The following MAPKAP1 variants were observed in gnomAD, a reference collection of about 807,000 sequenced individuals.
MAPKAP1 encodes target of rapamycin complex 2 subunit MAPKAP1.
Under a neutral mutation model 65.7 loss-of-function variants are expected in MAPKAP1, and 20 were observed. The observed-to-expected ratio is 0.30, with a 90% CI of 0.21 to 0.44. The LOEUF is 0.44. MAPKAP1 is among the 20% of genes least tolerant of loss of function. The pLI is 1.00. For missense variants in MAPKAP1, 423 were observed against 648.0 expected (o/e 0.65, Z 3.77); for synonymous variants, 222 against 244.3 (o/e 0.91, Z 0.85).
intron 4 of MAPKAP1, among the ~76,000 whole-genome samples, chr9:125,588,107 C>T (rs1458433890): frequency 2.6e-5 from 4 of 152,128 alleles, no homozygotes; most frequent in African/African-American, 9.7e-5. Context: ...CACATTGAAA[C>T]TTGGACAAAT....
chr9:125,507,292 G>C (rs541131684), intron 7 of MAPKAP1, among the ~76,000 whole-genome samples: 3 of 152,170 alleles, frequency 2.0e-5, no homozygotes, highest in Admixed American at 6.5e-5. Flanking sequence ...TCAAAAGACT[G>C]CTCCTGTGAT....
At chr9:125,533,110 C>A (rs1394938518) in intron 7 of MAPKAP1, among the ~76,000 whole-genome samples, 2 of 152,046 alleles carry the variant, frequency 1.3e-5, no homozygotes, top group East Asian at 1.9e-4. Context: ...CGCATACACG[C>A]CTGCTTTGGC....
chr9:125,659,642 TTC>T (rs1834128723), intron 3 of MAPKAP1, among the ~76,000 whole-genome samples: 2 of 151,854 alleles, frequency 1.3e-5, no homozygotes, highest in African/African-American at 4.8e-5. Context: ...AGCAATTCTC[TTC>T]TCTCTCTTCC....
rs146232774 is a variant in MAPKAP1, at chr9:125,665,410, A to G, written c.349+4408T>C. Among the ~76,000 whole-genome samples, 582 of 152,304 alleles carry G rather than the reference A, an allele frequency of 3.8e-3. 1 individual carries two copies. The highest frequency in any genetic ancestry group is 0.013 in the African/African-American group (559 of 41,554). On this transcript the variant is annotated intron_variant, in intron 3 of 11. Coordinates refer to ENST00000265960, the MANE Select transcript of MAPKAP1 (RefSeq NM_001006617.3). ...TCAGAATCACCCAGGGACCTTTTGA[A>G]AACCATAACTTACCCTTAAGAAAGT...
intron 5 of MAPKAP1, among the ~76,000 whole-genome samples, chr9:125,582,396 T>G (rs1422260513): frequency 6.6e-6 from 1 of 152,222 alleles, no homozygotes; most frequent in Non-Finnish European, 1.5e-5. Context: ...GTACTAGCTA[T>G]CCTCGTGTGC....
At chr9:125,563,964 G>A (rs1044366482) in intron 5 of MAPKAP1, among the ~76,000 whole-genome samples, 5 of 152,244 alleles carry the variant, frequency 3.3e-5, no homozygotes, top group Admixed American at 3.3e-4. Flanking sequence ...ACCCGCCTTG[G>A]CCTCCCAAAG....
At chr9:125,551,007 G>A (rs915639335) in intron 6 of MAPKAP1, among the ~76,000 whole-genome samples, 2 of 152,096 alleles carry the variant, frequency 1.3e-5, no homozygotes, top group Non-Finnish European at 2.9e-5. Flanking sequence ...ACCTGTCTCT[G>A]AGCCTCAGCT....
intron 1 of MAPKAP1, among the ~76,000 whole-genome samples, chr9:125,695,119 T>G (rs1413252037): frequency 6.6e-6 from 1 of 152,264 alleles, no homozygotes; most frequent in African/African-American, 2.4e-5. Context: ...TTTGGGGATG[T>G]GTCCGTATTT....
chr9:125,612,012 A>G (rs1435152440), intron 4 of MAPKAP1, among the ~76,000 whole-genome samples: 1 of 152,218 alleles, frequency 6.6e-6, no homozygotes, highest in Admixed American at 6.5e-5. Context: ...TTTACACTAT[A>G]CTTATTGGTT....
intron 10 of MAPKAP1, 40 bp downstream of exon 10, chr9:125,467,932 G>T (rs1210186292): frequency 2.5e-6 from 4 of 1,605,866 alleles, no homozygotes; most frequent in African/African-American, 1.3e-5. Flanking sequence ...GAAGAGAGGG[G>T]AAAGAGAGAA....
chr9:125,545,078 G>C (rs143621846), intron 6 of MAPKAP1, among the ~76,000 whole-genome samples: 1 of 152,154 alleles, frequency 6.6e-6, no homozygotes, highest in Admixed American at 6.5e-5. Flanking sequence ...TCTTGCTATT[G>C]AACAGCAGGC....
At chr9:125,511,090 C>G (rs1199732343) in intron 7 of MAPKAP1, among the ~76,000 whole-genome samples, 3 of 152,250 alleles carry the variant, frequency 2.0e-5, no homozygotes, top group African/African-American at 7.2e-5. Flanking sequence ...TTTCAACGAA[C>G]TAATAGTTGT....
intron 4 of MAPKAP1, among the ~76,000 whole-genome samples, chr9:125,648,647 A>G (rs1228559789): frequency 1.3e-5 from 2 of 152,152 alleles, no homozygotes; most frequent in Non-Finnish European, 2.9e-5. Context: ...CCCATTAATG[A>G]AAATAAAAAT....
At chr9:125,440,753 G>A (rs531996938) in intron 11 of MAPKAP1, among the ~76,000 whole-genome samples, 90 of 152,358 alleles carry the variant, frequency 5.9e-4, no homozygotes, top group Admixed American at 7.8e-4. Context: ...TACCAGCTGA[G>A]AGCAATAAAT....
intron 10 of MAPKAP1, among the ~76,000 whole-genome samples, chr9:125,448,351 G>A (rs1369490875): frequency 6.6e-6 from 1 of 152,156 alleles, no homozygotes; most frequent in Non-Finnish European, 1.5e-5. Context: ...TTGACCTCTT[G>A]CTGGAAATGA....
chr9:125,668,224 TG>T (rs1834396212), intron 3 of MAPKAP1, among the ~76,000 whole-genome samples: 1 of 152,186 alleles, frequency 6.6e-6, no homozygotes. Context: ...CAGGCAGAGC[TG>T]GACACAAAAC....
chr9:125,494,597 G>A (rs570992090), intron 8 of MAPKAP1, among the ~76,000 whole-genome samples: 2 of 152,274 alleles, frequency 1.3e-5, no homozygotes, highest in African/African-American at 4.8e-5. Context: ...TGGAAGCGGG[G>A]CCTACGAGGC....
At chr9:125,625,236 TAAAA>T (rs148061530) in intron 4 of MAPKAP1, among the ~76,000 whole-genome samples, 4 of 54,456 alleles carry the variant, frequency 7.3e-5, no homozygotes, top group African/African-American at 2.9e-4. Flanking sequence ...GAATTATCAA[TAAAA>T]AAAAAATAAA....
intron 4 of MAPKAP1, among the ~76,000 whole-genome samples, chr9:125,652,678 A>C (rs983699201): frequency 6.6e-6 from 1 of 152,224 alleles, no homozygotes; most frequent in Admixed American, 6.5e-5. Context: ...AGCTAAGCCC[A>C]AAAAGTAGGA....
Sources: allele counts gnomAD v4.1 joint callset (sites outside exome capture counted in the v4.1 genomes callset), GRCh38; gene constraint gnomAD v4.1.1; transcripts MANE v1.5; gene names NCBI Gene and HGNC (gene_info 2026-07-23, HGNC 2026-07-21).